The following CLCA4 variants were observed in gnomAD, a reference collection of about 807,000 sequenced individuals.
CLCA4 encodes the protein calcium-activated chloride channel regulator 4.
In CLCA4, 69 loss-of-function variants were observed where a neutral mutation model predicts 78.9. The ratio of observed to expected loss-of-function variants is 0.87; its 90% CI spans 0.72 to 1.07. The LOEUF is 1.07. CLCA4 is among the 50% of genes least tolerant of loss of function. The pLI is 0.00. For synonymous variants in CLCA4, 362 were observed against 375.8 expected (o/e 0.96, Z 0.42); for missense variants, 1,133 against 1,095.8 (o/e 1.03, Z -0.48).
chr1:86,567,865 A>G (rs1650247176), intron 7 of CLCA4, among the ~76,000 whole-genome samples: 1 of 152,034 alleles, frequency 6.6e-6, no homozygotes, highest in African/African-American at 2.4e-5. Context: ...CTATCAATTT[A>G]CCACTCACTT....
At chr1:86,562,522 G>A (rs1650053491) in intron 3 of CLCA4, among the ~76,000 whole-genome samples, 1 of 152,116 alleles carries the variant, frequency 6.6e-6, no homozygotes, top group Non-Finnish European at 1.5e-5. Context: ...GCTGATGGAT[G>A]TTGTCCAGAA....
In CLCA4 at chr1:86,567,330, T is replaced by C. The variant is rs142197274; in HGVS notation, c.955-94T>C. 556 of 1,031,764 alleles carry C rather than the reference T, an allele frequency of 5.4e-4. 2 individuals are homozygous for C. The African/African-American group carries it at 8.4e-3, about 16-fold the overall frequency. The allele number at this position is 1,031,764 out of a possible 1,614,324, so 63.9% of individuals were successfully genotyped here. On this transcript the variant is annotated intron_variant, in intron 6 of 13. Coordinates refer to ENST00000370563, the MANE Select transcript of CLCA4 (RefSeq NM_012128.4). The stretch of plus-strand genomic sequence containing the variant: ...AACATCAATTACCATTCATAGAAAA[T>C]GTTACCAATAAATTCTGTCCATTCA...
chr1:86,569,174 C>T (rs930161977), intron 7 of CLCA4, among the ~76,000 whole-genome samples: 53 of 151,754 alleles, frequency 3.5e-4, no homozygotes, highest in African/African-American at 1.2e-3. Context: ...TGTGAATAAA[C>T]GAAACAGGGA....
chr1:86,571,318 TC>T, intron 8 of CLCA4, 64 bp downstream of exon 8: 1 of 1,461,638 alleles, frequency 6.8e-7, no homozygotes, highest in Non-Finnish European at 9.3e-7. Flanking sequence ...GGCTGACAGT[TC>T]AACAACGTCT....
chr1:86,571,167 G>T lies in CLCA4; in HGVS notation c.1273G>T (p.Glu425Ter). 6.2e-7 allele frequency: 1 copy of T among 1,613,024 alleles called. No homozygotes were observed. The highest frequency in any genetic ancestry group is 8.5e-7 in the Non-Finnish European group (1 of 1,179,178). Residue 425 changes from glutamate to a stop codon, truncating the protein, a stop_gained, in exon 8 of 14, where the codon GAA becomes TAA. Transcript: ENST00000370563. LOFTEE classifies it high-confidence loss of function. ...EDNTASSCID[E>*]VKQSGAIVHF... is the part of the protein sequence containing the mutation. ...TAACACTGCAAGTTCTTGTATTGAT[G>T]AAGTGAAACAAAGTGGGGCCATTGT...
chr1:86,551,113 G>A (rs943698643), intron 1 of CLCA4, among the ~76,000 whole-genome samples: 2 of 152,060 alleles, frequency 1.3e-5, no homozygotes, highest in African/African-American at 4.8e-5. Flanking sequence ...TTACCGTCGT[G>A]AGCCACCGCA....
chr1:86,576,664 A>C (rs1650532296), intron 11 of CLCA4, among the ~76,000 whole-genome samples: 1 of 152,094 alleles, frequency 6.6e-6, no homozygotes, highest in South Asian at 2.1e-4. Context: ...TGGCAGGAAA[A>C]GAAAGCAGGA....
At chr1:86,548,997 T>G (rs1649581852) in intron 1 of CLCA4, among the ~76,000 whole-genome samples, 1 of 152,176 alleles carries the variant, frequency 6.6e-6, no homozygotes, top group African/African-American at 2.4e-5. Context: ...TATGACATGC[T>G]AAAGAGCAGT....
chr1:86,578,791 TGTAGA>T lies in CLCA4; in HGVS notation c.2123-559_2123-555del, dbSNP rs532828622. 1.9e-3 allele frequency among the ~76,000 whole-genome samples: 289 copies of T among 152,196 alleles called. 1 individual carries two copies. Among genetic ancestry groups the T allele is most frequent in the Non-Finnish European group, 3.2e-3 (220 of 67,974 alleles). On this transcript the variant is annotated intron_variant, in intron 12 of 13. Coordinates refer to ENST00000370563, the MANE Select transcript of CLCA4 (RefSeq NM_012128.4). ...AATTTATCTTTCAGATTACATATGCTGTAGAGTAAACACTTATTTAGAATTTTAAT... is the reference window on the plus strand; with the variant it reads ...AATTTATCTTTCAGATTACATATGCTGTAAACACTTATTTAGAATTTTAAT...
chr1:86,580,352 ACG>A lies in CLCA4; in HGVS notation c.*8_*9del, dbSNP rs1430057920. The A allele has an allele frequency of 6.4e-7, 1 of 1,553,536 alleles. No homozygotes were observed. Among genetic ancestry groups the A allele is most frequent in the Admixed American group, 2.1e-5 (1 of 48,206 alleles). ...TTTAAGTACCACCATTTGAACCTTA[ACG>A]AAGAAAAAAATCTTCAAGTAGACCT... On this transcript the variant is annotated 3_prime_UTR_variant, in exon 14 of 14. Transcript: ENST00000370563.
At chr1:86,562,858 A>G (rs1650065667) in intron 3 of CLCA4, among the ~76,000 whole-genome samples, 1 of 150,274 alleles carries the variant, frequency 6.7e-6, no homozygotes, top group African/African-American at 2.4e-5. Flanking sequence ...CATCTTAAAA[A>G]AAAAAAAAAA....
At chr1:86,572,339 A>G (rs1444631299) in intron 8 of CLCA4, among the ~76,000 whole-genome samples, 1 of 152,110 alleles carries the variant, frequency 6.6e-6, no homozygotes. Flanking sequence ...GTGAGCTTTA[A>G]TACATGGAAT....
intron 12 of CLCA4, among the ~76,000 whole-genome samples, chr1:86,578,274 C>T (rs754127524): frequency 2.0e-5 from 3 of 152,002 alleles, no homozygotes; most frequent in Non-Finnish European, 2.9e-5. Context: ...AGCACTCAAG[C>T]ACTCAAAAAA....
Position 86,565,527 on chromosome 1 carries a change from G to T in CLCA4, c.735+76G>T, listed in dbSNP as rs1650155853. On this transcript the variant is annotated intron_variant, in intron 5 of 13. Coordinates refer to ENST00000370563, the MANE Select transcript of CLCA4 (RefSeq NM_012128.4). ...TCATGTTTTTAAAGTATCTGTTCAG[G>T]TGACCTGAGGATTATATATATTGAT... is the stretch of plus-strand genomic sequence containing the variant. 3 of 1,159,842 alleles carry T rather than the reference G, an allele frequency of 2.6e-6. No homozygotes were observed. In the East Asian group the frequency reaches 7.0e-5, roughly 27 times the overall value. The allele number at this position is 1,159,842 out of a possible 1,614,324, so 71.8% of individuals were successfully genotyped here. A position where few individuals can be genotyped will look rare whatever the true frequency, so the allele number is the denominator to read the frequency against.
At chr1:86,553,032 C>A in intron 1 of CLCA4, 1 of 632,926 alleles carries the variant, frequency 1.6e-6, no homozygotes, top group Non-Finnish European at 2.8e-6. Context: ...CCTCCTGCTC[C>A]CACGCCGCGC....
chr1:86,549,980 A>G (rs1649607862), intron 1 of CLCA4, among the ~76,000 whole-genome samples: 1 of 152,192 alleles, frequency 6.6e-6, no homozygotes, highest in African/African-American at 2.4e-5. Context: ...TTCAAATATA[A>G]CATTCTATGT....
At chr1:86,559,900 C>G in intron 1 of CLCA4, 32 bp from the exon 2 acceptor site, 2 of 1,557,080 alleles carry the variant, frequency 1.3e-6, no homozygotes, top group Non-Finnish European at 1.7e-6. Context: ...TCTAACTTCA[C>G]CATCCTCACA....
At chr1:86,565,749 A>AT in intron 5 of CLCA4, 53 bp from the exon 6 acceptor site, 1 of 1,138,474 alleles carries the variant, frequency 8.8e-7, no homozygotes, top group East Asian at 2.7e-5. Flanking sequence ...TTGTAGTTTG[A>AT]TTTTTAAATG....
chr1:86,559,416 C>G (rs578128773), intron 1 of CLCA4, among the ~76,000 whole-genome samples: 2 of 152,012 alleles, frequency 1.3e-5, no homozygotes, highest in Non-Finnish European at 2.9e-5. Context: ...ATCAACTAAG[C>G]CTGTTTTCTA....
Sources: allele counts gnomAD v4.1 joint callset (sites outside exome capture counted in the v4.1 genomes callset), GRCh38; gene constraint gnomAD v4.1.1; transcripts MANE v1.5; gene names NCBI Gene and HGNC (gene_info 2026-07-23, HGNC 2026-07-21).